RHOBTB1: variants seen among roughly 807,000 people sequenced by gnomAD.
RHOBTB1 encodes Rho related BTB domain containing 1.
Under a neutral mutation model 71.6 loss-of-function variants are expected in RHOBTB1, and 40 were observed. That is an observed-to-expected ratio of 0.56 (90% CI 0.43 to 0.73). The LOEUF (loss-of-function observed/expected upper bound fraction) is 0.73. Ranked by LOEUF, RHOBTB1 falls within the 30% of genes least tolerant of loss-of-function variation. The pLI, the probability that RHOBTB1 is intolerant of heterozygous loss-of-function variation, is 0.00. For synonymous variants in RHOBTB1, 319 were observed against 334.9 expected (o/e 0.95, Z 0.52); for missense variants, 797 against 894.0 (o/e 0.89, Z 1.38).
chr10:60,981,916 T>C (rs1050506436), intron 2 of RHOBTB1, among the ~76,000 whole-genome samples: 4 of 152,046 alleles, frequency 2.6e-5, no homozygotes, highest in Admixed American at 2.6e-4. Flanking sequence ...ATTACAGGTG[T>C]GCACCACCAT....
intron 2 of RHOBTB1, among the ~76,000 whole-genome samples, chr10:60,933,657 C>T (rs1025058863): frequency 3.3e-5 from 5 of 151,474 alleles, no homozygotes; most frequent in Admixed American, 6.6e-5. Flanking sequence ...GCCGAGACCA[C>T]GCCATTGCAC....
intron 2 of RHOBTB1, among the ~76,000 whole-genome samples, chr10:60,966,795 G>A (rs1335077996): frequency 2.0e-5 from 3 of 150,292 alleles, no homozygotes; most frequent in African/African-American, 4.9e-5. Flanking sequence ...CCATTAACTC[G>A]TCATTTACAT....
At chr10:60,988,789 G>C (rs1347142431) in intron 1 of RHOBTB1, among the ~76,000 whole-genome samples, 3 of 152,122 alleles carry the variant, frequency 2.0e-5, no homozygotes, top group Non-Finnish European at 2.9e-5. Flanking sequence ...AAGTTTAAAT[G>C]CCACCTCCTT....
chr10:60,976,948 T>G, intron 2 of RHOBTB1, among the ~76,000 whole-genome samples: 1 of 152,010 alleles, frequency 6.6e-6, no homozygotes, highest in East Asian at 1.9e-4. Context: ...TATCAGAAAC[T>G]TTTGCATGTG....
chr10:60,985,276 C>G (rs2086624985), intron 2 of RHOBTB1, among the ~76,000 whole-genome samples: 1 of 152,062 alleles, frequency 6.6e-6, no homozygotes, highest in Non-Finnish European at 1.5e-5. Context: ...GTTTTTTAGG[C>G]ACAATACTCT....
intron 9 of RHOBTB1, among the ~76,000 whole-genome samples, chr10:60,873,268 G>A (rs377748134): frequency 1.3e-5 from 2 of 152,198 alleles, no homozygotes; most frequent in Non-Finnish European, 2.9e-5. Context: ...CCAATTGTGT[G>A]CATTTCTTCC....
At chr10:60,948,574 A>T (rs1320481428), upstream of RHOBTB1, among the ~76,000 whole-genome samples, 1 of 152,244 alleles carries the variant, frequency 6.6e-6, no homozygotes, top group Non-Finnish European at 1.5e-5. Flanking sequence ...CTCTGGATGC[A>T]GCATGTGATG....
intron 10 of RHOBTB1, 21 bp downstream of exon 10, chr10:60,872,164 G>A: frequency 6.6e-7 from 1 of 1,524,858 alleles, no homozygotes; most frequent in East Asian, 2.2e-5. Context: ...CTGGATGAAT[G>A]GGGGCCTCAC....
Position 60,926,744 on chromosome 10 carries a change from C to T in RHOBTB1, c.-11+15060G>A, listed in dbSNP as rs146151580. Among the ~76,000 whole-genome samples the T allele has an allele frequency of 2.2e-3, 329 of 152,192 alleles. 2 individuals carry two copies. The highest frequency in any genetic ancestry group is 7.5e-3 in the African/African-American group (310 of 41,542). On this transcript the variant is annotated intron_variant, in intron 2 of 10. Transcript: ENST00000337910. ...GGAACATATCTCAACACAATAAAAG[C>T]AATATACAACAGACTGGCAGCTAGT... is the stretch of plus-strand genomic sequence containing the variant.
intron 2 of RHOBTB1, among the ~76,000 whole-genome samples, chr10:60,952,058 A>C (rs73266072): frequency 0.028 from 4,181 of 150,350 alleles, 143 homozygotes; most frequent in African/African-American, 0.082. Context: ...ACTCTGTCAC[A>C]GCCCCCCACC....
chr10:60,864,861 T>C (rs1378771082), downstream of RHOBTB1, among the ~76,000 whole-genome samples: 1 of 152,160 alleles, frequency 6.6e-6, no homozygotes, highest in Non-Finnish European at 1.5e-5. Context: ...CAGCTAATTT[T>C]TGTACTTTTG....
intron 2 of RHOBTB1, among the ~76,000 whole-genome samples, chr10:60,929,668 C>A (rs866208352): frequency 1.3e-5 from 2 of 151,960 alleles, no homozygotes; most frequent in Middle Eastern, 6.8e-3. Flanking sequence ...TTACAAAAGG[C>A]CAATTCATAA....
chr10:60,983,220 C>G (rs1281210389), intron 2 of RHOBTB1, among the ~76,000 whole-genome samples: 6 of 152,116 alleles, frequency 3.9e-5, no homozygotes, highest in Admixed American at 1.3e-4. Context: ...TCCCTACTTT[C>G]TCTAAATGAG....
intron 2 of RHOBTB1, among the ~76,000 whole-genome samples, chr10:60,932,626 C>T (rs2084328481): frequency 6.6e-6 from 1 of 151,074 alleles, no homozygotes; most frequent in Admixed American, 6.6e-5. Flanking sequence ...GAAGCTTTGT[C>T]AAGAATTAAT....
intron 2 of RHOBTB1, among the ~76,000 whole-genome samples, chr10:60,927,283 C>A (rs1335902227): frequency 6.6e-6 from 1 of 152,166 alleles, no homozygotes; most frequent in Admixed American, 6.5e-5. Context: ...CCACCCAATG[C>A]AATCTACAGA....
chr10:60,947,210 T>C (rs1017091029), upstream of RHOBTB1, among the ~76,000 whole-genome samples: 4 of 152,242 alleles, frequency 2.6e-5, no homozygotes, highest in African/African-American at 9.6e-5. Flanking sequence ...AGATCCATTT[T>C]TGTATACTAA....
At chr10:60,906,001 G>C (rs1010320379) in intron 4 of RHOBTB1, among the ~76,000 whole-genome samples, 2 of 152,136 alleles carry the variant, frequency 1.3e-5, no homozygotes, top group African/African-American at 4.8e-5. Flanking sequence ...CATGAAACTA[G>C]ACATACAGAA....
In RHOBTB1 at chr10:60,871,366, C is replaced by T. The variant is rs1274195635; in HGVS notation, c.*116G>A. 2 of 995,954 alleles carry T rather than the reference C, an allele frequency of 2.0e-6. No homozygotes were observed. The highest frequency in any genetic ancestry group is 3.2e-5 in the African/African-American group (2 of 61,646). 61.7% of individuals were successfully genotyped at this position (995,954 alleles called of 1,614,324 possible). A position where few individuals can be genotyped will look rare whatever the true frequency, so the allele number is the denominator to read the frequency against. ...GCACAAAAGTGGAGGAAGATCAGTGCCCGAAACCTGAACTATGTCGTATCT... is the reference window on the plus strand; with the variant it reads ...GCACAAAAGTGGAGGAAGATCAGTGTCCGAAACCTGAACTATGTCGTATCT... On this transcript the variant is annotated 3_prime_UTR_variant, in exon 11 of 11. Coordinates refer to ENST00000337910, the MANE Select transcript of RHOBTB1 (RefSeq NM_014836.5).
intron 7 of RHOBTB1, among the ~76,000 whole-genome samples, chr10:60,882,108 ATTTATAGCAC>A (rs1161020440): frequency 6.6e-6 from 1 of 152,122 alleles, no homozygotes; most frequent in African/African-American, 2.4e-5. Context: ...AAAGACCTTT[ATTTATAGCAC>A]TTTAAAAATA....
Sources: allele counts gnomAD v4.1 joint callset (sites outside exome capture counted in the v4.1 genomes callset), GRCh38; gene constraint gnomAD v4.1.1; transcripts MANE v1.5; gene names NCBI Gene and HGNC (gene_info 2026-07-23, HGNC 2026-07-21).